PNCK: variants seen among roughly 807,000 people sequenced by gnomAD.
PNCK encodes the protein calcium/calmodulin-dependent protein kinase type 1B.
PNCK carries 21 observed loss-of-function variants against 28.3 expected under a neutral mutation model. That is an observed-to-expected ratio of 0.74 (90% CI 0.53 to 1.07). PNCK has a LOEUF of 1.07. Ranked by LOEUF, PNCK falls within the 50% of genes least tolerant of loss-of-function variation. The pLI is 0.00. For missense variants in PNCK, 250 were observed against 298.3 expected (o/e 0.84, Z 1.19); for synonymous variants, 136 against 125.2 (o/e 1.09, Z -0.58).
rs940995640 is a variant in PNCK, at chrX:153,671,157, G to A, written c.648C>T (p.Ser216=). The change falls in exon 8 of 12, where the codon AGC becomes AGT. Residue 216 remains serine, a synonymous_variant. Coordinates refer to ENST00000340888, the MANE Select transcript of PNCK (RefSeq NM_001366977.1). ...GGATCTGGCTGAAGAGCTCAGGGTCGCTCTCGTCGTAGAAGGGGGGGTACC... is the reference window on the plus strand; with the variant it reads ...GGATCTGGCTGAAGAGCTCAGGGTCACTCTCGTCGTAGAAGGGGGGGTACC... ...LCGYPPFYDE[S]DPELFSQILR... 78 of 1,209,981 alleles carry A rather than the reference G, an allele frequency of 6.4e-5. No homozygotes were observed. Among genetic ancestry groups the A allele is most frequent in the Non-Finnish European group, 8.3e-5 (74 of 895,190 alleles).
At chrX:153,675,617 T>C (rs1440319763), upstream of PNCK, among the ~76,000 whole-genome samples, 2 of 111,479 alleles carry the variant, frequency 1.8e-5, no homozygotes, top group Admixed American at 1.9e-4. Flanking sequence ...AGCCTCTGCC[T>C]CCTGGGTTCA....
Position 153,673,171 on chromosome X carries a change from A to G in PNCK, c.-2-93T>C, listed in dbSNP as rs1379754714. On this transcript the variant is annotated intron_variant, in intron 1 of 11. Transcript: ENST00000340888. Reference sequence around the variant, plus strand: ...CTCCACCCCCTGCCAGGCAGGCCTCAGCCATTGCCGCTGCGCGCTCGACCC... The same window carrying G: ...CTCCACCCCCTGCCAGGCAGGCCTCGGCCATTGCCGCTGCGCGCTCGACCC... The G allele has an allele frequency of 1.2e-5, 14 of 1,177,563 alleles. No individual in the cohort carries two copies. The Admixed American group carries it at 1.7e-4, about 14-fold the overall frequency.
chrX:153,682,941 G>A (rs1223199336), intron 1 of PNCK, among the ~76,000 whole-genome samples: 1 of 111,909 alleles, frequency 8.9e-6, no homozygotes, highest in African/African-American at 3.3e-5. Flanking sequence ...CAGCCTTGTT[G>A]CTCACACAGA....
upstream of PNCK, among the ~76,000 whole-genome samples, chrX:153,677,718 CATAT>C (rs199509117): frequency 5.9e-5 from 5 of 84,783 alleles, no homozygotes; most frequent in Non-Finnish European, 1.1e-4. Context: ...ATATATAGTG[CATAT>C]ATATAGTGTA....
Position 153,671,171 on chromosome X carries a change from A to AG in PNCK, c.633dup (p.Phe212LeufsTer8), listed in dbSNP as rs781891121. 10 of 1,209,903 alleles carry AG rather than the reference A, an allele frequency of 8.3e-6. No homozygotes were observed. The highest frequency in any genetic ancestry group is 7.8e-6 in the Non-Finnish European group (7 of 895,137). ...AGCTCAGGGTCGCTCTCGTCGTAGAAGGGGGGGTACCCACACAGCCTGGCA... is the reference window on the plus strand; with the variant it reads ...AGCTCAGGGTCGCTCTCGTCGTAGAAGGGGGGGGTACCCACACAGCCTGGCA... On this transcript the variant is annotated frameshift_variant, in exon 8 of 12. Coordinates refer to ENST00000340888, the MANE Select transcript of PNCK (RefSeq NM_001366977.1). LOFTEE classifies it high-confidence loss of function.
chrX:153,672,058 C>T (rs1557040151), intron 4 of PNCK, 40 bp from the exon 5 acceptor site: 1 of 1,204,004 alleles, frequency 8.3e-7, no homozygotes, highest in Admixed American at 2.2e-5. Context: ...GGCACTCAGC[C>T]TGGCCTTCAG....
At chrX:153,677,713 T>C (rs1438118815), upstream of PNCK, among the ~76,000 whole-genome samples, 1 of 97,731 alleles carries the variant, frequency 1.0e-5, no homozygotes, top group African/African-American at 4.2e-5. Context: ...TGTATATATA[T>C]AGTGCATATA....
chrX:153,670,331 C>T, intron 11 of PNCK, 119 bp downstream of exon 11: 1 of 1,031,071 alleles, frequency 9.7e-7, no homozygotes, highest in East Asian at 3.2e-5. Context: ...TGCTCTCTGC[C>T]TTCAGTCCTC....
chrX:153,682,616 G>C (rs1364069808), intron 1 of PNCK, among the ~76,000 whole-genome samples: 1 of 112,020 alleles, frequency 8.9e-6, no homozygotes, highest in East Asian at 2.8e-4. Flanking sequence ...ATCCACAAAA[G>C]AAGTGAAAAT....
chrX:153,681,234 G>C (rs138486854), intron 1 of PNCK, among the ~76,000 whole-genome samples: 1,894 of 111,575 alleles, frequency 0.017, 37 homozygotes, highest in African/African-American at 0.057. Flanking sequence ...CTCCTGCACA[G>C]AACAAAACAT....
At chrX:153,673,153 C>T in intron 1 of PNCK, 75 bp from the exon 2 acceptor site, 1 of 1,174,422 alleles carries the variant, frequency 8.5e-7, no homozygotes, top group African/African-American at 1.8e-5. Flanking sequence ...CTCCTCCACC[C>T]CCTGCCAGGC....
At chrX:153,678,059 C>T (rs2091378771), upstream of PNCK, among the ~76,000 whole-genome samples, 1 of 109,106 alleles carries the variant, frequency 9.2e-6, no homozygotes, top group South Asian at 3.9e-4. Flanking sequence ...CTATATTAAA[C>T]TCAACAGGAG....
At chrX:153,672,953 G>C (rs1169572542) in intron 2 of PNCK, 56 bp downstream of exon 2, 17 of 1,032,233 alleles carry the variant, frequency 1.6e-5, no homozygotes, top group Admixed American at 8.7e-5. Context: ...TCTCACACAG[G>C]TACACACACA....
At chrX:153,674,089 G>A, upstream of PNCK, 4 of 1,209,940 alleles carry the variant, frequency 3.3e-6, no homozygotes, top group South Asian at 3.5e-5. Context: ...GCCACAGGTC[G>A]GCAAGGCTCT....
intron 1 of PNCK, among the ~76,000 whole-genome samples, chrX:153,683,500 G>A (rs1413143747): frequency 2.7e-5 from 3 of 109,354 alleles, no homozygotes; most frequent in Non-Finnish European, 3.8e-5. Flanking sequence ...CTGGAGTGCA[G>A]TGGCACAATC....
intron 6 of PNCK, 80 bp downstream of exon 6, chrX:153,671,469 C>T (rs1451185398): frequency 2.5e-5 from 30 of 1,209,335 alleles, no homozygotes; most frequent in African/African-American, 7.0e-5. Flanking sequence ...ACAAAGGCAA[C>T]GGGCACAACA....
chrX:153,681,422 G>A (rs2091395297), intron 1 of PNCK, among the ~76,000 whole-genome samples: 1 of 111,543 alleles, frequency 9.0e-6, no homozygotes, highest in African/African-American at 3.3e-5. Context: ...CCGATGAGGC[G>A]CTTCACCCCC....
At chrX:153,670,627 G>C (rs781961997) in intron 10 of PNCK, 33 bp from the exon 11 acceptor site, 3 of 1,199,468 alleles carry the variant, frequency 2.5e-6, no homozygotes, top group Admixed American at 2.2e-5. Context: ...GGCCAGGCCT[G>C]GGCCCAGGCC....
upstream of PNCK, among the ~76,000 whole-genome samples, chrX:153,677,592 A>G (rs2091373075): frequency 1.1e-5 from 1 of 94,921 alleles, no homozygotes; most frequent in African/African-American, 4.1e-5. Flanking sequence ...TAGTGTATAT[A>G]TATATATAGT....
Sources: gnomAD v4.1 joint callset for allele counts (sites outside exome capture counted in the v4.1 genomes callset) on GRCh38, gnomAD v4.1.1 for gene constraint, MANE v1.5 for transcripts, NCBI Gene and HGNC (gene_info 2026-07-23, HGNC 2026-07-21) for gene names.